DCUN1D4: variants seen among roughly 807,000 people sequenced by gnomAD.
DCUN1D4 encodes the protein DCN1-like protein 4.
In DCUN1D4, 22 loss-of-function variants were observed where a neutral mutation model predicts 47.9. That is an observed-to-expected ratio of 0.46 (90% CI 0.33 to 0.66). The LOEUF is 0.66. DCUN1D4 is among the 30% of genes least tolerant of loss of function. DCUN1D4 has a pLI of 0.02. For synonymous variants in DCUN1D4, 121 were observed against 112.2 expected (o/e 1.08, Z -0.50); for missense variants, 301 against 340.8 (o/e 0.88, Z 0.92).
chr4:51,837,278 G>T, the DCUN1D4 span, among the ~76,000 whole-genome samples: 1 of 152,142 alleles, frequency 6.6e-6, no homozygotes, highest in Non-Finnish European at 1.5e-5. Context: ...AAGGTCCTGA[G>T]TAAAAAGGAA....
intron 7 of DCUN1D4, among the ~76,000 whole-genome samples, chr4:51,893,601 A>G (rs1730785340): frequency 6.6e-6 from 1 of 151,920 alleles, no homozygotes; most frequent in Non-Finnish European, 1.5e-5. Context: ...TGATTTTTGT[A>G]TTTTTAGTAG....
intron 8 of DCUN1D4, among the ~76,000 whole-genome samples, chr4:51,910,548 C>T (rs1733568666): frequency 6.6e-6 from 1 of 152,112 alleles, no homozygotes; most frequent in Non-Finnish European, 1.5e-5. Flanking sequence ...AGAGCCCCAG[C>T]ATTTGGTATG....
chr4:51,843,671 C>G (rs1274984850), intron 1 of DCUN1D4: 4 of 1,226,502 alleles, frequency 3.3e-6, no homozygotes, highest in East Asian at 6.5e-5. Context: ...AGGGAGCGAG[C>G]GAGCGAGCGG....
intron 1 of DCUN1D4, among the ~76,000 whole-genome samples, chr4:51,847,446 A>G (rs1722721108): frequency 6.6e-6 from 1 of 152,112 alleles, no homozygotes; most frequent in Non-Finnish European, 1.5e-5. Flanking sequence ...AATTTTAATA[A>G]CCCACACTGA....
chr4:51,876,598 GTTGAACAATACAAGT>G (rs1727726354), intron 4 of DCUN1D4, among the ~76,000 whole-genome samples: 2 of 152,118 alleles, frequency 1.3e-5, no homozygotes, highest in Admixed American at 6.6e-5. Context: ...ACAGTTGACT[GTTGAACAATACAAGT>G]TTAAACTGCA....
At chr4:51,848,325 G>C (rs922663774) in intron 1 of DCUN1D4, 1 of 1,286,314 alleles carries the variant, frequency 7.8e-7, no homozygotes, top group Non-Finnish European at 1.0e-6. Flanking sequence ...CTGGTCTCTC[G>C]TGTCAGCGTC....
At chr4:51,843,411 G>T (rs968775297) in intron 1 of DCUN1D4, 144 bp downstream of exon 1, 2 of 1,286,142 alleles carry the variant, frequency 1.6e-6, no homozygotes, top group Non-Finnish European at 9.9e-7. Context: ...CCCTCCCGGG[G>T]CCGGGGCGGG....
intron 3 of DCUN1D4, among the ~76,000 whole-genome samples, chr4:51,872,836 C>T (rs1449433539): frequency 1.3e-5 from 2 of 152,194 alleles, no homozygotes; most frequent in Admixed American, 6.5e-5. Flanking sequence ...TGAATAGTGT[C>T]CTGAGAGTTC....
chr4:51,869,479 A>G (rs1156276263), intron 3 of DCUN1D4, among the ~76,000 whole-genome samples: 2 of 152,226 alleles, frequency 1.3e-5, no homozygotes. Context: ...CTAAAATGAA[A>G]CATGAGACAG....
At position 51,899,133 on chromosome 4, in the gene DCUN1D4, A is replaced by G. The variant is rs958466328; in HGVS notation, c.507-137A>G. 25 of 1,363,034 alleles carry G rather than the reference A, an allele frequency of 1.8e-5. No homozygotes were observed. In the African/African-American group the frequency reaches 2.9e-4, roughly 16 times the overall value. 84.4% of individuals were successfully genotyped at this position (1,363,034 alleles called of 1,614,324 possible). On this transcript the variant is annotated intron_variant, in intron 7 of 10. Transcript: ENST00000334635. ...TACATTTAAAATTTTTTTTAAGTGT[A>G]GAAAAAATAGGTTATGGATGTGTTT...
intron 1 of DCUN1D4, among the ~76,000 whole-genome samples, chr4:51,843,955 C>T (rs1397896510): frequency 2.5e-5 from 1 of 39,898 alleles, no homozygotes; most frequent in Non-Finnish European, 4.6e-5. Flanking sequence ...TCCTGCGGGG[C>T]GGGAGGGGCG....
chr4:51,899,400 C>G, intron 8 of DCUN1D4, 22 bp downstream of exon 8: 2 of 1,585,214 alleles, frequency 1.3e-6, no homozygotes, highest in East Asian at 4.6e-5. Context: ...GGAGCCTATC[C>G]AGATGTTTCC....
rs748947893 is a variant in DCUN1D4, at chr4:51,899,367, G to C, written c.604G>C (p.Asp202His). ...NFKLIYRYAFDFAREKDQRSL... is the reference protein window; with the variant it reads ...NFKLIYRYAFHFAREKDQRSL... ...TAAACTTATTTACAGATATGCGTTTGACTTTGCACGGGTGAGTTCTCTGGA... is the reference window on the plus strand; with the variant it reads ...TAAACTTATTTACAGATATGCGTTTCACTTTGCACGGGTGAGTTCTCTGGA... Residue 202 changes from aspartate (D) to histidine (H), a missense_variant, in exon 8 of 11, where the codon GAC (aspartate) becomes CAC (histidine). Physicochemically the swap from Asp to His is moderately conservative, Grantham distance 81 (BLOSUM62 -1). This residue lies in a region of DCUN1D4 where 170 missense variants were observed against 234.5 expected (regional missense o/e 0.73). Coordinates refer to ENST00000334635, the MANE Select transcript of DCUN1D4 (RefSeq NM_001040402.3). 1 of 1,606,180 alleles carries C rather than the reference G, an allele frequency of 6.2e-7. No individual in the cohort carries two copies. The highest frequency in any genetic ancestry group is 8.5e-7 in the Non-Finnish European group (1 of 1,176,486).
chr4:51,911,791 T>C (rs562265348), intron 9 of DCUN1D4, among the ~76,000 whole-genome samples: 2 of 152,300 alleles, frequency 1.3e-5, no homozygotes, highest in South Asian at 4.1e-4. Context: ...TGTTGAAGTG[T>C]CATTCTGTGG....
At chr4:51,846,586 ATAAT>A (rs973652518) in intron 1 of DCUN1D4, among the ~76,000 whole-genome samples, 29 of 152,362 alleles carry the variant, frequency 1.9e-4, no homozygotes, top group African/African-American at 6.7e-4. Context: ...ATTATAACTA[ATAAT>A]TAATAGCTAA....
chr4:51,874,516 A>G (rs1245444934), intron 4 of DCUN1D4, 131 bp downstream of exon 4: 3 of 500,810 alleles, frequency 6.0e-6, no homozygotes, highest in Non-Finnish European at 6.9e-6. Flanking sequence ...CGATTTTTCA[A>G]AATGTAATTA....
chr4:51,857,773 T>G (rs1228162605), intron 1 of DCUN1D4, among the ~76,000 whole-genome samples: 1 of 152,230 alleles, frequency 6.6e-6, no homozygotes, highest in Non-Finnish European at 1.5e-5. Flanking sequence ...TTCAGTCTCC[T>G]CTTACCATGA....
At chr4:51,902,220 GT>G (rs1732225567) in intron 8 of DCUN1D4, among the ~76,000 whole-genome samples, 1 of 152,090 alleles carries the variant, frequency 6.6e-6, no homozygotes, top group African/African-American at 2.4e-5. Context: ...TATTTTATGC[GT>G]ACTTTAAAAG....
At chr4:51,910,860 A>T in intron 8 of DCUN1D4, 6 of 554,676 alleles carry the variant, frequency 1.1e-5, no homozygotes, top group Non-Finnish European at 6.3e-6. Context: ...AATCTTTCTC[A>T]CAGTAAATTT....
Sources: allele counts gnomAD v4.1 joint callset (sites outside exome capture counted in the v4.1 genomes callset), GRCh38; gene constraint gnomAD v4.1.1; regional missense constraint gnomAD v4.1.1; transcripts MANE v1.5; gene names NCBI Gene and HGNC (gene_info 2026-07-23, HGNC 2026-07-21).